The following HDGF variants were observed in gnomAD, a reference collection of about 807,000 sequenced individuals.
HDGF encodes the protein hepatoma-derived growth factor.
In HDGF, 5 loss-of-function variants were observed where a neutral mutation model predicts 30.0. The ratio of observed to expected loss-of-function variants is 0.17; its 90% confidence interval spans 0.09 to 0.35. The LOEUF is 0.35. Among genes scored for constraint, HDGF ranks in the 10% least tolerant of loss-of-function variants. The pLI is 1.00. For synonymous variants in HDGF, 133 were observed against 112.7 expected, an observed-to-expected ratio of 1.18 and a Z score of -1.14; for missense variants, 214 against 302.8, an observed-to-expected ratio of 0.71 and a Z score of 2.18.
At position 156,745,029 on chromosome 1, in the gene HDGF, A is replaced by C. The variant is rs768735820; in HGVS notation, c.282T>G (p.Thr94=). ...TCACCTGATAGCCGGAAGCCTTGAC[A>C]GTAGGGTTGTTCTCGATCTCCCACA... is the stretch of plus-strand genomic sequence containing the variant. The part of the protein sequence containing the change: ...EGLWEIENNP[T]VKASGYQSSQ... Residue 94 remains threonine, a synonymous_variant, in exon 3 of 6, where the codon ACT becomes ACG. Transcript: ENST00000357325. 2.5e-6 allele frequency: 4 copies of C among 1,613,886 alleles called. No individual in the cohort carries two copies. In the African/African-American group the frequency reaches 5.3e-5, roughly 22 times the overall value.
At chr1:156,760,169 C>A (rs1018035065) in intron 1 of HDGF, among the ~76,000 whole-genome samples, 5 of 152,220 alleles carry the variant, frequency 3.3e-5, no homozygotes, top group African/African-American at 1.2e-4. Flanking sequence ...TGTCTGCATT[C>A]CTTTGGTCCC....
In HDGF at chr1:156,759,720, T is replaced by C. The variant is rs549786840; in HGVS notation, n.137-501A>G. 9.2e-5 allele frequency among the ~76,000 whole-genome samples: 14 copies of C among 152,268 alleles called. No individual in the cohort carries two copies. In the South Asian group the frequency reaches 2.9e-3, roughly 32 times the overall value. ...TGGTCTCAAACTCCTGACCTTGTGA[T>C]CCGCCCACCTCACTCTCCCAAATTG... is the stretch of plus-strand genomic sequence containing the variant. On this transcript the variant is annotated intron_variant and non_coding_transcript_variant, in intron 1 of 7. Transcript: ENST00000465180.
At chr1:156,747,069 C>A (rs1051418834) in intron 1 of HDGF, among the ~76,000 whole-genome samples, 1 of 151,928 alleles carries the variant, frequency 6.6e-6, no homozygotes, top group East Asian at 1.9e-4. Flanking sequence ...CCTTCCCCCC[C>A]AGGAAGGCCC....
chr1:156,745,264 C>T, intron 2 of HDGF, 33 bp downstream of exon 2: 1 of 1,611,944 alleles, frequency 6.2e-7, no homozygotes, highest in Non-Finnish European at 8.5e-7. Flanking sequence ...TCCCGGGGCC[C>T]TCCCGACCTA....
chr1:156,743,270 G>A lies in HDGF; in HGVS notation c.*179C>T, dbSNP rs1354550131. ...GGGGACCTAGAGGTGAGAGCCAGGT[G>A]GCCTGCCCCATCCAGGTCAATCTCC... is the stretch of plus-strand genomic sequence containing the variant. On this transcript the variant is annotated 3_prime_UTR_variant, in exon 6 of 6. Coordinates refer to ENST00000357325, the MANE Select transcript of HDGF (RefSeq NM_004494.3). The A allele has an allele frequency of 1.6e-6, 1 of 617,072 alleles. No individual in the cohort carries two copies. The highest frequency in any genetic ancestry group is 2.8e-6 in the Non-Finnish European group (1 of 352,828). 38.2% of individuals were successfully genotyped at this position (617,072 alleles called of 1,614,324 possible).
chr1:156,744,384 T>G, intron 3 of HDGF, 36 bp from the exon 4 acceptor site: 1 of 1,610,156 alleles, frequency 6.2e-7, no homozygotes, highest in Non-Finnish European at 8.5e-7. Flanking sequence ...GTGGCACCAG[T>G]CGCTGCCATG....
At chr1:156,752,601 A>G (rs894515619), upstream of HDGF, among the ~76,000 whole-genome samples, 1 of 152,200 alleles carries the variant, frequency 6.6e-6, no homozygotes, top group Non-Finnish European at 1.5e-5. Flanking sequence ...GAATGAGTAG[A>G]ATTTTGCCAA....
At chr1:156,744,431 C>G in intron 3 of HDGF, 83 bp from the exon 4 acceptor site, 1 of 1,586,702 alleles carries the variant, frequency 6.3e-7, no homozygotes, top group Non-Finnish European at 8.6e-7. Flanking sequence ...CAGCCACTCA[C>G]TCCTTCCTTT....
rs1346602008 is a variant in HDGF, at chr1:156,751,382, C to G, written c.48G>C (p.Val16=). The change falls in exon 1 of 6, where the codon GTG becomes GTC. Residue 16 remains valine (V), a synonymous_variant. Coordinates refer to ENST00000357325, the MANE Select transcript of HDGF (RefSeq NM_004494.3). The surrounding 1 kb of genome is among the most constrained non-coding windows in gnomAD (Gnocchi z 4.7). ...GTGGGTAGCCCTTCATCTTGGCGAA[C>G]ACCAGGTCCCCGCATTTGTACTCCT... ...RQKEYKCGDL[V]FAKMKGYPHW... is the part of the protein sequence containing the mutation. 6.2e-7 allele frequency: 1 copy of G among 1,610,146 alleles called. No homozygotes were observed. Among genetic ancestry groups the G allele is most frequent in the Admixed American group, 1.7e-5 (1 of 59,744 alleles).
chr1:156,753,161 C>T (rs1651073535), upstream of HDGF, among the ~76,000 whole-genome samples: 1 of 152,192 alleles, frequency 6.6e-6, no homozygotes, highest in Non-Finnish European at 1.5e-5. Context: ...TCCTTATGTC[C>T]ATGGCAATAT....
chr1:156,758,380 A>G (rs12566112), intron 2 of HDGF, among the ~76,000 whole-genome samples: 45,150 of 151,584 alleles, frequency 0.3, 7,755 homozygotes, highest in East Asian at 0.73. Context: ...TCATGAGGTC[A>G]GGAGATCGAG....
intron 2 of HDGF, among the ~76,000 whole-genome samples, chr1:156,758,606 AATAAAT>A: frequency 7.3e-6 from 1 of 136,932 alleles, no homozygotes; most frequent in Non-Finnish European, 1.6e-5. Context: ...AAAAAAAATA[AATAAAT>A]AAATAAATAA....
intron 1 of HDGF, among the ~76,000 whole-genome samples, chr1:156,748,547 T>C (rs1471528629): frequency 6.6e-6 from 1 of 152,212 alleles, no homozygotes; most frequent in Non-Finnish European, 1.5e-5. Flanking sequence ...TTACTTATTC[T>C]TAGGCCTTGC....
rs1409579899 is a variant in HDGF, at chr1:156,751,548, G to A, written c.-119C>T. The A allele has an allele frequency of 2.0e-6, 2 of 1,005,030 alleles. No individual in the cohort carries two copies. Among genetic ancestry groups the A allele is most frequent in the Non-Finnish European group, 2.4e-6 (2 of 842,446 alleles). The allele number at this position is 1,005,030 out of a possible 1,614,324, so 62.3% of individuals were successfully genotyped here. On this transcript the variant is annotated 5_prime_UTR_variant, in exon 1 of 6. Transcript: ENST00000357325. The surrounding 1 kb of genome is among the most constrained non-coding windows in gnomAD (Gnocchi z 4.7). ...CCCTCGCGCGGCCCCCGCCTCGATGGTGGCCCCCGGCCCGAGCTCCGGCGC... is the reference window on the plus strand; with the variant it reads ...CCCTCGCGCGGCCCCCGCCTCGATGATGGCCCCCGGCCCGAGCTCCGGCGC...
Position 156,744,231 on chromosome 1 carries a change from T to C in HDGF, c.421A>G (p.Ile141Val). Reference protein sequence around the residue: ...GSSDEEGKLVIDEPAKEKNEK... With the variant: ...GSSDEEGKLVVDEPAKEKNEK... ...TTCTTCTCCTTGGCTGGCTCATCAA[T>C]GACCAGCTTCCCTTCCTCGTCGCTG... Residue 141 changes from isoleucine (I) to valine (V), a missense_variant, in exon 4 of 6, where the codon ATT becomes GTT. Physicochemically the swap from Ile to Val is conservative, Grantham distance 29 (BLOSUM62 3). Transcript: ENST00000357325. 1 of 1,614,164 alleles carries C rather than the reference T, an allele frequency of 6.2e-7. No homozygotes were observed.
chr1:156,766,130 A>G (rs1651369284), intron 1 of HDGF, among the ~76,000 whole-genome samples: 1 of 152,220 alleles, frequency 6.6e-6, no homozygotes, highest in African/African-American at 2.4e-5. Context: ...AGGAGCCTTC[A>G]TGGAGAAGGC....
chr1:156,755,598 G>C (rs558954176), upstream of HDGF: 1 of 152,198 alleles, frequency 6.6e-6, no homozygotes, highest in African/African-American at 2.4e-5. Context: ...CAACGGAGTC[G>C]AGGGTTTTGG....
upstream of HDGF, among the ~76,000 whole-genome samples, chr1:156,754,146 C>T (rs1651112463): frequency 6.6e-6 from 1 of 152,094 alleles, no homozygotes; most frequent in South Asian, 2.1e-4. Flanking sequence ...GAACTCCTGA[C>T]CTTGTCATCC....
chr1:156,765,158 T>C (rs1311868741), intron 1 of HDGF, among the ~76,000 whole-genome samples: 1 of 149,224 alleles, frequency 6.7e-6, no homozygotes, highest in Non-Finnish European at 1.5e-5. Context: ...AATGGCGTGA[T>C]CTTGGCTCAC....
Sources: allele counts gnomAD v4.1 joint callset (sites outside exome capture counted in the v4.1 genomes callset), GRCh38; gene constraint gnomAD v4.1.1; non-coding constraint Gnocchi (gnomAD v3.1); transcripts MANE v1.5; gene names NCBI Gene and HGNC (gene_info 2026-07-23, HGNC 2026-07-21).